The following NEK6 variants were observed in gnomAD, a reference collection of about 807,000 sequenced individuals.
NEK6 encodes the protein serine/threonine-protein kinase Nek6.
Under a neutral mutation model 43.5 loss-of-function variants are expected in NEK6, and 27 were observed. The observed-to-expected ratio is 0.62, with a 90% confidence interval of 0.46 to 0.86. The LOEUF is 0.86. Among genes scored for constraint, NEK6 ranks in the 40% least tolerant of loss-of-function variants. NEK6 has a pLI of 0.00. For missense variants in NEK6, 318 were observed against 414.4 expected, an observed-to-expected ratio of 0.77 and a Z score of 2.02; for synonymous variants, 167 against 164.1, an observed-to-expected ratio of 1.02 and a Z score of -0.14.
intron 7 of NEK6, among the ~76,000 whole-genome samples, chr9:124,330,524 A>AGGCCCATGCAG: frequency 6.6e-6 from 1 of 152,318 alleles, no homozygotes. Flanking sequence ...GGTCACACCC[A>AGGCCCATGCAG]GGCCCATGCA....
chr9:124,260,621 G>A (rs974291547), intron 1 of NEK6, among the ~76,000 whole-genome samples: 2 of 152,118 alleles, frequency 1.3e-5, no homozygotes, highest in African/African-American at 2.4e-5. Context: ...GGCTGGTCTC[G>A]AACTCCTGAC....
chr9:124,316,565 C>A (rs1161068775), intron 4 of NEK6, among the ~76,000 whole-genome samples: 1 of 152,240 alleles, frequency 6.6e-6, no homozygotes, highest in Non-Finnish European at 1.5e-5. Context: ...CCAAGTGTGT[C>A]CCCTTCCAGA....
Position 124,258,408 on chromosome 9 carries a change from C to G in NEK6, c.-30+323C>G, listed in dbSNP as rs539787467. On this transcript the variant is annotated intron_variant, in intron 1 of 9. Transcript: ENST00000320246. The stretch of plus-strand genomic sequence containing the variant: ...GGCATGGCTCCCCGCTACCCACTTC[C>G]CGAGTGGGGACGACGGGCGGAGGAG... 3.4e-4 allele frequency: 313 copies of G among 921,892 alleles called. 3 individuals are homozygous for G. In the East Asian group the frequency reaches 0.02, roughly 59 times the overall value. 57.1% of individuals were successfully genotyped at this position (921,892 alleles called of 1,614,324 possible). A position where few individuals can be genotyped will look rare whatever the true frequency, so the allele number is the denominator to read the frequency against.
At chr9:124,261,902 G>T (rs371222483) in intron 1 of NEK6, among the ~76,000 whole-genome samples, 1 of 151,878 alleles carries the variant, frequency 6.6e-6, no homozygotes, top group Non-Finnish European at 1.5e-5. Context: ...TTTTTCTCCC[G>T]TCTGGCCTGT....
Position 124,339,581 on chromosome 9 carries a change from C to T in NEK6, c.633C>T (p.Pro211=), listed in dbSNP as rs1439548199. 8.7e-6 allele frequency: 14 copies of T among 1,613,788 alleles called. No homozygotes were observed. Among genetic ancestry groups the T allele is most frequent in the Non-Finnish European group, 1.2e-5 (14 of 1,179,824 alleles). The change falls in exon 8 of 10, where the codon CCC becomes CCT. Residue 211 remains proline, a synonymous_variant. Transcript: ENST00000320246. ...CTTGCTGTGTTGCAGTGGGGACGCC[C>T]TACTACATGTCACCGGAGAGGATCC... is the stretch of plus-strand genomic sequence containing the variant. ...TTAAHSLVGT[P]YYMSPERIHE...
chr9:124,348,481 G>T (rs531089454), intron 9 of NEK6, among the ~76,000 whole-genome samples: 1 of 152,190 alleles, frequency 6.6e-6, no homozygotes, highest in African/African-American at 2.4e-5. Flanking sequence ...AGGTTTCCTG[G>T]CACAGCAGGG....
Position 124,326,202 on chromosome 9 carries a change from T to TCAC in NEK6, c.406-127_406-126insACC. Reference sequence around the variant, plus strand: ...GCTTATTGTTTGCTCAGTGGCTCAATCCCCCCCCCCCGCCCCTGCCAGGCA... The same window carrying TCAC: ...GCTTATTGTTTGCTCAGTGGCTCAATCACCCCCCCCCCCCGCCCCTGCCAGGCA... On this transcript the variant is annotated intron_variant, in intron 5 of 9. Transcript: ENST00000320246. This position sits in a 1 kb window ranked among gnomAD's most constrained non-coding sequence, Gnocchi z 4.5. 8.1e-6 allele frequency: 1 copy of TCAC among 124,048 alleles called. No homozygotes were observed. The highest frequency in any genetic ancestry group is 2.0e-5 in the Non-Finnish European group (1 of 50,614). The allele number at this position is 124,048 out of a possible 1,614,324, so 7.7% of individuals were successfully genotyped here. A position where few individuals can be genotyped will look rare whatever the true frequency, so the allele number is the denominator to read the frequency against.
intron 2 of NEK6, among the ~76,000 whole-genome samples, chr9:124,310,085 G>T (rs1454923216): frequency 6.6e-6 from 1 of 152,202 alleles, no homozygotes; most frequent in African/African-American, 2.4e-5. Flanking sequence ...GGAGGGATCT[G>T]AGCTGAGAGC....
chr9:124,260,355 A>G (rs1830983527), intron 1 of NEK6, among the ~76,000 whole-genome samples: 1 of 152,224 alleles, frequency 6.6e-6, no homozygotes, highest in Non-Finnish European at 1.5e-5. Flanking sequence ...ATTTCATTAA[A>G]GTAGCACCAC....
chr9:124,270,967 C>T (rs1233495610), intron 1 of NEK6, among the ~76,000 whole-genome samples: 1 of 152,258 alleles, frequency 6.6e-6, no homozygotes, highest in Non-Finnish European at 1.5e-5. Context: ...ATAGCACCCA[C>T]ACACACATTT....
rs772200987 is a variant in NEK6, at chr9:124,293,039, A to T, written c.-29-8897A>T. 2.6e-5 allele frequency: 38 copies of T among 1,481,256 alleles called. No individual in the cohort carries two copies. The Middle Eastern group carries it at 9.0e-4, about 35-fold the overall frequency. The allele number at this position is 1,481,256 out of a possible 1,614,324, so 91.8% of individuals were successfully genotyped here. ...GTGAGAGCAAGATCATTTCCCAGGCAGGCAGGGGTCTCTGGGATGGTGGGC... is the reference window on the plus strand; with the variant it reads ...GTGAGAGCAAGATCATTTCCCAGGCTGGCAGGGGTCTCTGGGATGGTGGGC... On this transcript the variant is annotated intron_variant, in intron 1 of 9. Coordinates refer to ENST00000320246, the MANE Select transcript of NEK6 (RefSeq NM_014397.6).
chr9:124,312,163 A>C (rs949189967), intron 2 of NEK6, among the ~76,000 whole-genome samples: 8 of 152,186 alleles, frequency 5.3e-5, no homozygotes, highest in African/African-American at 1.9e-4. Context: ...GATTCAGGAG[A>C]GGATGAGACG....
chr9:124,323,494 A>C (rs1834174923), intron 5 of NEK6, among the ~76,000 whole-genome samples: 1 of 152,176 alleles, frequency 6.6e-6, no homozygotes, highest in Admixed American at 6.5e-5. Flanking sequence ...AGGTGAGGGC[A>C]GGGACGGAGG....
At chr9:124,271,085 A>C (rs1467143506) in intron 1 of NEK6, among the ~76,000 whole-genome samples, 2 of 152,250 alleles carry the variant, frequency 1.3e-5, no homozygotes, top group African/African-American at 2.4e-5. Flanking sequence ...CTGGCCCAGC[A>C]GGTTAGTCGG....
At chr9:124,265,332 A>G (rs1831189789) in intron 1 of NEK6, among the ~76,000 whole-genome samples, 1 of 152,076 alleles carries the variant, frequency 6.6e-6, no homozygotes, top group Non-Finnish European at 1.5e-5. Flanking sequence ...GACCAGCCTG[A>G]CCAATATGGT....
chr9:124,348,807 G>A (rs1257824083), intron 9 of NEK6, among the ~76,000 whole-genome samples: 1 of 152,242 alleles, frequency 6.6e-6, no homozygotes, highest in Non-Finnish European at 1.5e-5. Context: ...GTCACCTCAC[G>A]ATAATAACAG....
chr9:124,303,422 C>A (rs887287920), intron 2 of NEK6, among the ~76,000 whole-genome samples: 1 of 152,214 alleles, frequency 6.6e-6, no homozygotes, highest in East Asian at 1.9e-4. Flanking sequence ...CTGCACAAAG[C>A]TTCTGGGCTA....
At chr9:124,274,860 C>T (rs186045372) in intron 1 of NEK6, among the ~76,000 whole-genome samples, 90 of 152,206 alleles carry the variant, frequency 5.9e-4, no homozygotes, top group Non-Finnish European at 9.7e-4. Context: ...TCTCCAGTGC[C>T]GGCTCTGATA....
chr9:124,289,190 CACACACACA>C (rs1428843958), intron 1 of NEK6, among the ~76,000 whole-genome samples: 3 of 536 alleles, frequency 5.6e-3, no homozygotes, highest in Admixed American at 0.029. Flanking sequence ...CCCCCCGCCA[CACACACACA>C]CACACACACA....
Sources: allele counts gnomAD v4.1 joint callset (sites outside exome capture counted in the v4.1 genomes callset), GRCh38; gene constraint gnomAD v4.1.1; non-coding constraint Gnocchi (gnomAD v3.1); transcripts MANE v1.5; gene names NCBI Gene and HGNC (gene_info 2026-07-23, HGNC 2026-07-21).